The following MALRD1 variants were observed in gnomAD, a reference collection of about 807,000 sequenced individuals.
MALRD1 encodes MAM and LDL receptor class A domain containing 1.
In MALRD1, 247 loss-of-function variants were observed where a neutral mutation model predicts 242.1. The ratio of observed to expected loss-of-function variants is 1.02; its 90% CI spans 0.92 to 1.13. MALRD1 has a LOEUF of 1.13. MALRD1 is among the 50% of genes most tolerant of loss of function. MALRD1 has a pLI of 0.00. For missense variants in MALRD1, 2,989 were observed against 2,533.1 expected (o/e 1.18, Z -3.86); for synonymous variants, 995 against 866.6 (o/e 1.15, Z -2.60).
chr10:19,678,994 C>T lies in MALRD1; in HGVS notation c.6138-13288C>T, dbSNP rs147962769. On this transcript the variant is annotated intron_variant, in intron 36 of 39. Coordinates refer to ENST00000454679, the MANE Select transcript of MALRD1 (RefSeq NM_001142308.3). ...CATATGTTGAACCAGCCTTGCATCC[C>T]GGGGTTGAAGCCACCTTGATCATGG... is the stretch of plus-strand genomic sequence containing the variant. Among the ~76,000 whole-genome samples the T allele has an allele frequency of 1.8e-3, 268 of 152,232 alleles. 2 individuals carry two copies. Among genetic ancestry groups the T allele is most frequent in the African/African-American group, 6.3e-3 (260 of 41,540 alleles).
chr10:19,111,099 A>T (rs918190688), intron 5 of MALRD1, among the ~76,000 whole-genome samples: 1 of 152,154 alleles, frequency 6.6e-6, no homozygotes, highest in Non-Finnish European at 1.5e-5. Context: ...CCATTTCCCT[A>T]CTTACCCATG....
In MALRD1 at chr10:19,155,105, C is replaced by T; in HGVS notation, c.1589C>T (p.Ser530Phe). The change falls in exon 12 of 40, where the codon TCC becomes TTC. Residue 530 changes from serine (S) to phenylalanine (F), a missense_variant. By Grantham distance (155) the Ser-to-Phe change is radical. Transcript: ENST00000454679. The stretch of plus-strand genomic sequence containing the variant: ...TTTATTTATTTGGAGGCACAGCGCT[C>T]CCCCGGGGTGGCCAAGCTTGGAAGT... ...GSFIYLEAQR[S>F]PGVAKLGSPV... 1 of 1,231,430 alleles carries T rather than the reference C, an allele frequency of 8.1e-7. No individual in the cohort carries two copies. The highest frequency in any genetic ancestry group is 4.1e-5 in the South Asian group (1 of 24,292). The allele number at this position is 1,231,430 out of a possible 1,614,324, so 76.3% of individuals were successfully genotyped here.
At chr10:19,152,330 C>T (rs959129292) in intron 11 of MALRD1, among the ~76,000 whole-genome samples, 2 of 152,162 alleles carry the variant, frequency 1.3e-5, no homozygotes, top group Admixed American at 1.3e-4. Flanking sequence ...ATACCCCTTA[C>T]CTGCACATAT....
chr10:19,324,611 A>ATTT (rs1292838774), intron 22 of MALRD1, among the ~76,000 whole-genome samples: 47 of 140,218 alleles, frequency 3.4e-4, no homozygotes, highest in East Asian at 1.2e-3. Flanking sequence ...TTTTTTTTTA[A>ATTT]AAAAAAACGA....
chr10:19,666,455 A>G (rs114200694), intron 36 of MALRD1, among the ~76,000 whole-genome samples: 142 of 152,256 alleles, frequency 9.3e-4, no homozygotes, highest in African/African-American at 3.3e-3. Flanking sequence ...TCACTGCAGT[A>G]TTCCCTGTTC....
intron 38 of MALRD1, 43 bp downstream of exon 38, chr10:19,692,597 G>C: frequency 6.9e-7 from 1 of 1,448,622 alleles, no homozygotes; most frequent in Non-Finnish European, 9.3e-7. Flanking sequence ...TACCGTAGCA[G>C]AAAAATTTTC....
chr10:19,420,154 G>A (rs898040204), intron 28 of MALRD1, among the ~76,000 whole-genome samples: 12 of 152,146 alleles, frequency 7.9e-5, no homozygotes, highest in Non-Finnish European at 1.5e-4. Context: ...CTGCTCTGTC[G>A]TTCCCCTGTC....
intron 38 of MALRD1, chr10:19,721,616 G>A (rs1834758984): frequency 6.6e-6 from 1 of 152,168 alleles, no homozygotes; most frequent in Non-Finnish European, 1.5e-5. Context: ...TTTATTCATA[G>A]ATGTTCCATA....
intron 38 of MALRD1, among the ~76,000 whole-genome samples, chr10:19,695,906 A>T (rs1833357334): frequency 6.6e-6 from 1 of 152,054 alleles, no homozygotes; most frequent in South Asian, 2.1e-4. Context: ...ATCTTGTGAG[A>T]CGTAATCACT....
chr10:19,346,516 G>A (rs11009539), intron 24 of MALRD1, among the ~76,000 whole-genome samples: 83,525 of 151,970 alleles, frequency 0.55, 23,187 homozygotes, highest in Middle Eastern at 0.59. Flanking sequence ...TTAATATTTG[G>A]ACACTTATTT....
chr10:19,659,723 T>C (rs922529244), intron 36 of MALRD1, among the ~76,000 whole-genome samples: 67 of 152,278 alleles, frequency 4.4e-4, no homozygotes, highest in African/African-American at 1.5e-3. Flanking sequence ...TTCTCATTTT[T>C]TTATATAAAG....
chr10:19,351,730 C>G (rs562740160), intron 25 of MALRD1, among the ~76,000 whole-genome samples: 37 of 152,190 alleles, frequency 2.4e-4, no homozygotes, highest in African/African-American at 8.2e-4. Flanking sequence ...ATCTTGCTTT[C>G]AGAAGTCACA....
chr10:19,573,388 A>C (rs1265740710), intron 33 of MALRD1, among the ~76,000 whole-genome samples: 1 of 152,134 alleles, frequency 6.6e-6, no homozygotes, highest in East Asian at 1.9e-4. Flanking sequence ...CCTCTGAGCC[A>C]GGTGGTGGCA....
intron 18 of MALRD1, among the ~76,000 whole-genome samples, chr10:19,242,669 G>A (rs7911439): frequency 0.34 from 51,984 of 151,816 alleles, 9,057 homozygotes; most frequent in Admixed American, 0.46. Context: ...TGGGCCTTTT[G>A]TCATTATACA....
At position 19,637,083 on chromosome 10, in the gene MALRD1, A is replaced by T. The variant is rs1381427183; in HGVS notation, c.6137+21160A>T. ...AAATAAATTAAATTGATAACCAAAA[A>T]GTCATCCTATTAAATGGCCAATAAG... On this transcript the variant is annotated intron_variant, in intron 36 of 39. Transcript: ENST00000454679. 1.3e-5 allele frequency among the ~76,000 whole-genome samples: 2 copies of T among 152,164 alleles called. 1 individual carries two copies. The highest frequency in any genetic ancestry group is 3.8e-4 in the East Asian group (2 of 5,196).
intron 11 of MALRD1, among the ~76,000 whole-genome samples, chr10:19,154,075 T>A (rs1335225275): frequency 6.6e-6 from 1 of 152,232 alleles, no homozygotes; most frequent in East Asian, 1.9e-4. Flanking sequence ...GAGAATTTAA[T>A]GAACTTGCTC....
Position 19,048,972 on chromosome 10 carries a change from C to T in MALRD1, c.34C>T (p.Pro12Ser). The change falls in exon 1 of 40, where the codon CCC becomes TCC. Residue 12 changes from proline to serine, a missense_variant. Transcript: ENST00000454679. ...LFFLDRMLAF[P>S]MNETFCCLWI... is the part of the protein sequence containing the mutation. ...CTTCCTGGACAGAATGTTGGCATTC[C>T]CCATGAATGAAACTTTTTGTTGCCT... 1 of 1,233,818 alleles carries T rather than the reference C, an allele frequency of 8.1e-7. No homozygotes were observed. The highest frequency in any genetic ancestry group is 1.0e-6 in the Non-Finnish European group (1 of 988,120). 76.4% of individuals were successfully genotyped at this position (1,233,818 alleles called of 1,614,324 possible). A position where few individuals can be genotyped will look rare whatever the true frequency, so the allele number is the denominator to read the frequency against.
At chr10:19,694,839 T>C (rs1833291897) in intron 38 of MALRD1, among the ~76,000 whole-genome samples, 1 of 152,138 alleles carries the variant, frequency 6.6e-6, no homozygotes, top group African/African-American at 2.4e-5. Context: ...CCAACAATGA[T>C]AGACTGGATT....
chr10:19,168,494 C>T (rs1178137078), intron 13 of MALRD1, among the ~76,000 whole-genome samples: 1 of 152,160 alleles, frequency 6.6e-6, no homozygotes, highest in Non-Finnish European at 1.5e-5. Flanking sequence ...TGAGTTGAAA[C>T]ACATGCCATT....
Sources: allele counts gnomAD v4.1 joint callset (sites outside exome capture counted in the v4.1 genomes callset), GRCh38; gene constraint gnomAD v4.1.1; transcripts MANE v1.5; gene names NCBI Gene and HGNC (gene_info 2026-07-23, HGNC 2026-07-21).